Variants in RGS22 observed in about 807,000 individuals in gnomAD.
RGS22 encodes regulator of G protein signaling 22, also known as regulator of G-protein signaling 22.
In RGS22, 148 loss-of-function variants were observed where a neutral mutation model predicts 172.9. The ratio of observed to expected loss-of-function variants is 0.86; its 90% CI spans 0.75 to 0.98. RGS22 has a LOEUF of 0.98. Ranked by LOEUF, RGS22 falls within the 50% of genes least tolerant of loss-of-function variation. The probability of loss-of-function intolerance (pLI) is 0.00; values close to 1 mark genes in which losing one functional copy is unlikely to be tolerated. For missense variants in RGS22, 1,347 were observed against 1,440.8 expected (o/e 0.93, Z 1.05); for synonymous variants, 458 against 480.2 (o/e 0.95, Z 0.60).
intron 21 of RGS22, among the ~76,000 whole-genome samples, chr8:99,984,978 T>A (rs1812933427): frequency 6.6e-6 from 1 of 152,200 alleles, no homozygotes; most frequent in Admixed American, 6.5e-5. Flanking sequence ...GTAACCAACG[T>A]CCTTGTTGTA....
rs189114442 is a variant in RGS22 at position 100,052,395 on chromosome 8, G to A, written c.1689+407C>T. Among the ~76,000 whole-genome samples, 909 of 150,254 alleles carry A rather than the reference G, an allele frequency of 6.0e-3. 11 individuals are homozygous for A. Among genetic ancestry groups the A allele is most frequent in the African/African-American group, 0.021 (858 of 40,874 alleles). ...CGGCTCACTGCAAGCTCCGCCTCCCGGATTCCCGCCATTCTCCTGCCTCAG... is the reference window on the plus strand; with the variant it reads ...CGGCTCACTGCAAGCTCCGCCTCCCAGATTCCCGCCATTCTCCTGCCTCAG... On this transcript the variant is annotated intron_variant, in intron 10 of 27. Coordinates refer to ENST00000360863, the MANE Select transcript of RGS22 (RefSeq NM_015668.5).
chr8:100,033,674 T>A (rs1431410008), intron 14 of RGS22, among the ~76,000 whole-genome samples: 1 of 151,312 alleles, frequency 6.6e-6, no homozygotes, highest in Non-Finnish European at 1.5e-5. Context: ...AAAAAAGAAT[T>A]TTAGACCAAC....
At chr8:100,079,630 C>T (rs1811601797) in intron 4 of RGS22, among the ~76,000 whole-genome samples, 1 of 152,148 alleles carries the variant, frequency 6.6e-6, no homozygotes, top group Non-Finnish European at 1.5e-5. Context: ...GTGACTTGTA[C>T]ACAGAGTCAG....
At chr8:100,013,894 C>G (rs1055339931) in intron 14 of RGS22, among the ~76,000 whole-genome samples, 4 of 152,164 alleles carry the variant, frequency 2.6e-5, no homozygotes, top group Non-Finnish European at 5.9e-5. Context: ...ACTGTATCCT[C>G]AAGTTCCTAC....
At chr8:100,058,658 C>T (rs1479575058) in intron 9 of RGS22, among the ~76,000 whole-genome samples, 1 of 152,194 alleles carries the variant, frequency 6.6e-6, no homozygotes, top group East Asian at 1.9e-4. Context: ...AAATATCCTT[C>T]AAATATGAAG....
At chr8:100,070,849 CT>C in intron 6 of RGS22, among the ~76,000 whole-genome samples, 1 of 148,502 alleles carries the variant, frequency 6.7e-6, no homozygotes, top group South Asian at 2.1e-4. Flanking sequence ...AATCCCAGCA[CT>C]TTGGGAGGCA....
chr8:100,084,330 T>C (rs1049656762), intron 3 of RGS22, among the ~76,000 whole-genome samples: 3 of 152,150 alleles, frequency 2.0e-5, no homozygotes, highest in African/African-American at 7.2e-5. Flanking sequence ...TGAATGGACC[T>C]AGTAGGGAAA....
intron 14 of RGS22, among the ~76,000 whole-genome samples, chr8:100,017,433 A>G (rs183190435): frequency 8.7e-4 from 132 of 152,320 alleles, no homozygotes; most frequent in Middle Eastern, 3.4e-3. Flanking sequence ...GTAGGGACAC[A>G]GGTGGTTAAG....
intron 2 of RGS22, among the ~76,000 whole-genome samples, chr8:100,102,139 G>A (rs1439255873): frequency 5.9e-5 from 9 of 152,214 alleles, no homozygotes; most frequent in Non-Finnish European, 1.3e-4. Flanking sequence ...ACTTATGTAA[G>A]TATTAAAGTT....
At chr8:100,018,989 C>CAAA (rs5893504) in intron 14 of RGS22, among the ~76,000 whole-genome samples, 154 of 146,948 alleles carry the variant, frequency 1.0e-3, no homozygotes, top group Non-Finnish European at 1.5e-3. Context: ...ATGTCAAAAG[C>CAAA]AAAAAAAAAA....
At position 100,002,254 on chromosome 8, in the gene RGS22, T is replaced by G; in HGVS notation, c.2738A>C (p.Lys913Thr). Residue 913 changes from lysine (K) to threonine (T), a missense_variant, in exon 18 of 28, where the codon AAA becomes ACA. By Grantham distance (78) the Lys-to-Thr change is moderately conservative. Transcript: ENST00000360863. ...ACTGTTGGGTCCAAAGAAATATTTT[T>G]TATTAAGGTATTTGTTTTTAATGTA... ...SIYIKNKYLN[K>T]KYFFGPNSPA... 1 of 1,610,262 alleles carries G rather than the reference T, an allele frequency of 6.2e-7. No individual in the cohort carries two copies. Among genetic ancestry groups the G allele is most frequent in the African/African-American group, 1.3e-5 (1 of 74,820 alleles).
intron 3 of RGS22, among the ~76,000 whole-genome samples, chr8:100,086,323 C>A (rs1812156810): frequency 6.6e-6 from 1 of 152,108 alleles, no homozygotes; most frequent in African/African-American, 2.4e-5. Context: ...TGAGGACCTA[C>A]TATCATATGC....
intron 11 of RGS22, among the ~76,000 whole-genome samples, chr8:100,045,905 T>A (rs1429566099): frequency 6.6e-6 from 1 of 151,826 alleles, no homozygotes; most frequent in Non-Finnish European, 1.5e-5. Context: ...CACTATAACA[T>A]TGTTTGTAAC....
intron 14 of RGS22, among the ~76,000 whole-genome samples, chr8:100,022,834 G>A (rs1367867687): frequency 6.6e-6 from 1 of 151,868 alleles, no homozygotes. Flanking sequence ...CAACCTCCTA[G>A]GCTCAAGCCT....
intron 14 of RGS22, among the ~76,000 whole-genome samples, chr8:100,037,590 C>A (rs1369647298): frequency 6.6e-6 from 1 of 152,030 alleles, no homozygotes; most frequent in South Asian, 2.1e-4. Context: ...ACAAGTCAAC[C>A]AAGCTCAAAT....
intron 22 of RGS22, among the ~76,000 whole-genome samples, chr8:99,979,308 T>C (rs1467682909): frequency 1.3e-5 from 2 of 152,158 alleles, no homozygotes; most frequent in Non-Finnish European, 2.9e-5. Flanking sequence ...TTTAGAAGGC[T>C]TTCTAAGTAA....
intron 9 of RGS22, among the ~76,000 whole-genome samples, chr8:100,053,218 G>A (rs984431217): frequency 6.6e-6 from 1 of 152,010 alleles, no homozygotes; most frequent in Non-Finnish European, 1.5e-5. Flanking sequence ...AACATCATAA[G>A]TAAAATTATG....
chr8:99,978,853 A>G (rs1812250565), intron 22 of RGS22, among the ~76,000 whole-genome samples: 1 of 152,216 alleles, frequency 6.6e-6, no homozygotes, highest in South Asian at 2.1e-4. Flanking sequence ...TACCCTGGAA[A>G]AAAATGAACC....
chr8:100,088,551 C>A (rs1045839420), intron 3 of RGS22, among the ~76,000 whole-genome samples: 1 of 152,088 alleles, frequency 6.6e-6, no homozygotes, highest in African/African-American at 2.4e-5. Flanking sequence ...AAAACAATAT[C>A]TGAATGTGAA....
Sources: gnomAD v4.1 joint callset for allele counts (sites outside exome capture counted in the v4.1 genomes callset) on GRCh38, gnomAD v4.1.1 for gene constraint, MANE v1.5 for transcripts, NCBI Gene and HGNC (gene_info 2026-07-23, HGNC 2026-07-21) for gene names.